AGAP1: variants seen among roughly 807,000 people sequenced by gnomAD.
AGAP1 encodes the protein arf-GAP with GTPase, ANK repeat and PH domain-containing protein 1.
AGAP1 carries 29 observed loss-of-function variants against 105.3 expected under a neutral mutation model. The ratio of observed to expected loss-of-function variants is 0.28; its 90% CI spans 0.21 to 0.38. The LOEUF (loss-of-function observed/expected upper bound fraction) is 0.38. Ranked by LOEUF, AGAP1 falls within the 10% of genes least tolerant of loss-of-function variation. AGAP1 has a pLI of 1.00. For synonymous variants in AGAP1, 509 were observed against 485.9 expected, an observed-to-expected ratio of 1.05 and a Z score of -0.63; for missense variants, 998 against 1,165.1, an observed-to-expected ratio of 0.86 and a Z score of 2.09.
intron 11 of AGAP1, among the ~76,000 whole-genome samples, chr2:235,914,232 C>T (rs1474077095): frequency 6.6e-6 from 1 of 152,188 alleles, no homozygotes; most frequent in African/African-American, 2.4e-5. Context: ...TACTATAATG[C>T]CTAACTGTGT....
intron 1 of AGAP1, among the ~76,000 whole-genome samples, chr2:235,647,105 C>A (rs13395310): frequency 0.72 from 106,536 of 148,942 alleles, 38,184 homozygotes; most frequent in East Asian, 0.8. Flanking sequence ...CACTGCACCA[C>A]CCGAGACTCC....
chr2:235,744,703 C>T lies in AGAP1; in HGVS notation c.402C>T (p.Ala134=). ...TCCCCTTCTTCTCTCCCTAGTTTGC[C>T]ATGTGGGTGGACGCTGTTATATTTG... ...DEGGPPEAQF[A]MWVDAVIFVF... Residue 134 remains alanine, a synonymous_variant, in exon 5 of 18, where the codon GCC becomes GCT. Coordinates refer to ENST00000304032, the MANE Select transcript of AGAP1 (RefSeq NM_001037131.3). The surrounding 1 kb of genome is among the most constrained non-coding windows in gnomAD (Gnocchi z 5.2). 2 of 1,613,946 alleles carry T rather than the reference C, an allele frequency of 1.2e-6. No homozygotes were observed. Among genetic ancestry groups the T allele is most frequent in the Non-Finnish European group, 1.7e-6 (2 of 1,179,998 alleles).
At chr2:235,726,192 C>G (rs533910036) in intron 3 of AGAP1, among the ~76,000 whole-genome samples, 1 of 152,304 alleles carries the variant, frequency 6.6e-6, no homozygotes, top group East Asian at 1.9e-4. Flanking sequence ...CTGGGACTTA[C>G]ACCCGGTCTG....
chr2:236,046,406 G>T lies in AGAP1; in HGVS notation c.1892-2653G>T, dbSNP rs2057718873. On this transcript the variant is annotated intron_variant, in intron 15 of 17. Transcript: ENST00000304032. This position sits in a 1 kb window ranked among gnomAD's most constrained non-coding sequence, Gnocchi z 5.2. ...CCCCTTGCACCCCAGTTGCGATGCT[G>T]GTGAGGACGCCCATGGGAGCATAAG... 6.6e-6 allele frequency among the ~76,000 whole-genome samples: 1 copy of T among 152,176 alleles called. No individual in the cohort carries two copies. Among genetic ancestry groups the T allele is most frequent in the African/African-American group, 2.4e-5 (1 of 41,448 alleles).
intron 5 of AGAP1, among the ~76,000 whole-genome samples, chr2:235,749,302 T>C (rs1055762745): frequency 9.2e-5 from 14 of 151,820 alleles, no homozygotes; most frequent in African/African-American, 3.4e-4. Context: ...ATTTCTCTGT[T>C]CCACGTGCCA....
At chr2:235,592,213 A>C (rs913238640) in intron 1 of AGAP1, among the ~76,000 whole-genome samples, 1 of 152,184 alleles carries the variant, frequency 6.6e-6, no homozygotes, top group Non-Finnish European at 1.5e-5. Context: ...TCTGCAGCCA[A>C]GGAGGCTCCT....
intron 1 of AGAP1, among the ~76,000 whole-genome samples, chr2:235,686,631 A>G (rs1439776621): frequency 2.0e-5 from 1 of 48,886 alleles, no homozygotes; most frequent in Non-Finnish European, 3.7e-5. Context: ...ATATATATAT[A>G]TATATATATA....
At chr2:235,892,388 CAA>C (rs1575712058) in intron 10 of AGAP1, among the ~76,000 whole-genome samples, 2 of 152,102 alleles carry the variant, frequency 1.3e-5, no homozygotes, top group Non-Finnish European at 1.5e-5. Flanking sequence ...TGTGTGTCGT[CAA>C]AGTTTGGTTT....
chr2:235,534,504 ACATTTGGTAGTT>A (rs939786991), intron 1 of AGAP1, among the ~76,000 whole-genome samples: 2 of 152,124 alleles, frequency 1.3e-5, no homozygotes, highest in African/African-American at 4.8e-5. Flanking sequence ...TTGGAGGTGC[ACATTTGGTAGTT>A]CATTGTTGGG....
At chr2:235,926,428 C>A (rs905496438) in intron 11 of AGAP1, among the ~76,000 whole-genome samples, 1 of 152,254 alleles carries the variant, frequency 6.6e-6, no homozygotes, top group East Asian at 1.9e-4. Context: ...TCCACAGTGT[C>A]GTGGCTCAGG....
At chr2:235,759,658 G>A (rs1385174783) in intron 6 of AGAP1, among the ~76,000 whole-genome samples, 1 of 152,172 alleles carries the variant, frequency 6.6e-6, no homozygotes, top group Admixed American at 6.5e-5. Flanking sequence ...AAGCCTTGGT[G>A]GGTTTGTGTG....
rs2057391302 is a variant in AGAP1, at chr2:236,036,648, C to T, written c.1733C>T (p.Ala578Val). The T allele has an allele frequency of 2.5e-6, 4 of 1,614,216 alleles. No homozygotes were observed. The highest frequency in any genetic ancestry group is 1.1e-5 in the South Asian group (1 of 91,084). Reference sequence around the variant, plus strand: ...GCCACGACGTATGAGGAGCGGGACGCCTGGGTCCAAGCCATCGAGAGCCAG... The same window carrying T: ...GCCACGACGTATGAGGAGCGGGACGTCTGGGTCCAAGCCATCGAGAGCCAG... ...FEATTYEERD[A>V]WVQAIESQIL... Residue 578 changes from alanine to valine, a missense_variant, in exon 14 of 18, where the codon GCC (alanine) becomes GTC (valine). Ala to Val is a moderately conservative substitution (Grantham distance 64, BLOSUM62 0). Coordinates refer to ENST00000304032, the MANE Select transcript of AGAP1 (RefSeq NM_001037131.3). The surrounding 1 kb of genome is among the most constrained non-coding windows in gnomAD (Gnocchi z 5.7).
Position 235,814,232 on chromosome 2 carries a change from C to T in AGAP1, c.1050+6901C>T, listed in dbSNP as rs796741311. Among the ~76,000 whole-genome samples the T allele has an allele frequency of 1.6e-4, 24 of 152,316 alleles. No individual in the cohort carries two copies. The East Asian group carries it at 3.7e-3, about 23-fold the overall frequency. ...GCGGAGCTCTTGCCAGGGAGCCTGC[C>T]CTTCTCTACCCAGCACTTCCCTGCC... On this transcript the variant is annotated intron_variant, in intron 9 of 17. Transcript: ENST00000304032.
At chr2:235,916,755 C>T (rs1482817397) in intron 11 of AGAP1, among the ~76,000 whole-genome samples, 1 of 152,140 alleles carries the variant, frequency 6.6e-6, no homozygotes, top group Non-Finnish European at 1.5e-5. Flanking sequence ...ATGGTTATGC[C>T]AAAAGCAAGG....
chr2:235,802,810 G>GGTA (rs1376179780), intron 8 of AGAP1, among the ~76,000 whole-genome samples: 3 of 752 alleles, frequency 4.0e-3, no homozygotes, highest in African/African-American at 0.016. Flanking sequence ...TTGTGGTGGT[G>GGTA]GTGGTGATGT....
chr2:235,988,552 G>T lies in AGAP1; in HGVS notation c.1645+19929G>T, dbSNP rs776171519. Among the ~76,000 whole-genome samples the T allele has an allele frequency of 1.3e-5, 2 of 152,098 alleles. No individual in the cohort carries two copies. The highest frequency in any genetic ancestry group is 4.8e-5 in the African/African-American group (2 of 41,414). ...TGTTTTTCTGAGCAGTAGGTACTTAGTCAAGGCATGCAGGCGTTTCTCCTT... is the reference window on the plus strand; with the variant it reads ...TGTTTTTCTGAGCAGTAGGTACTTATTCAAGGCATGCAGGCGTTTCTCCTT... On this transcript the variant is annotated intron_variant, in intron 13 of 17. Coordinates refer to ENST00000304032, the MANE Select transcript of AGAP1 (RefSeq NM_001037131.3). This position sits in a 1 kb window ranked among gnomAD's most constrained non-coding sequence, Gnocchi z 4.7.
chr2:235,646,245 G>A (rs1947379437), intron 1 of AGAP1, among the ~76,000 whole-genome samples: 2 of 146,210 alleles, frequency 1.4e-5, no homozygotes, highest in South Asian at 2.2e-4. Flanking sequence ...ACTCCAGCCT[G>A]GGCAACAGAT....
intron 8 of AGAP1, among the ~76,000 whole-genome samples, chr2:235,805,784 T>C (rs907809231): frequency 2.0e-5 from 3 of 152,246 alleles, no homozygotes; most frequent in Non-Finnish European, 4.4e-5. Flanking sequence ...TTACGTTTTA[T>C]ATTCTTCTGC....
In AGAP1 at chr2:235,960,046, C is replaced by A. The variant is rs539084864; in HGVS notation, c.1484-8416C>A. 5.3e-5 allele frequency among the ~76,000 whole-genome samples: 8 copies of A among 152,232 alleles called. No individual in the cohort carries two copies. ...GGCAGGAGAACGCAGTGGGCAGAGA[C>A]GCACCCTGCCCTGCCTGCAGCATGG... is the stretch of plus-strand genomic sequence containing the variant. On this transcript the variant is annotated intron_variant, in intron 12 of 17. Transcript: ENST00000304032. This position sits in a 1 kb window ranked among gnomAD's most constrained non-coding sequence, Gnocchi z 4.9.
Sources: allele counts gnomAD v4.1 joint callset (sites outside exome capture counted in the v4.1 genomes callset), GRCh38; gene constraint gnomAD v4.1.1; non-coding constraint Gnocchi (gnomAD v3.1); transcripts MANE v1.5; gene names NCBI Gene and HGNC (gene_info 2026-07-23, HGNC 2026-07-21).